Variants in GPC5 observed in about 807,000 individuals in gnomAD.
GPC5 encodes glypican 5.
In GPC5, 47 loss-of-function variants were observed where a neutral mutation model predicts 53.9. The observed-to-expected ratio is 0.87, with a 90% CI of 0.69 to 1.11. The LOEUF is 1.11. Among genes scored for constraint, GPC5 ranks in the 50% most tolerant of loss-of-function variants. The pLI is 0.00. For synonymous variants in GPC5, 286 were observed against 263.3 expected (o/e 1.09, Z -0.84); for missense variants, 748 against 713.1 (o/e 1.05, Z -0.56).
intron 6 of GPC5, among the ~76,000 whole-genome samples, chr13:91,959,820 C>CGTCAT (rs1230192545): frequency 6.6e-6 from 1 of 151,902 alleles, no homozygotes; most frequent in East Asian, 1.9e-4. Flanking sequence ...AACCAGCAAA[C>CGTCAT]GTCATGCATC....
At chr13:91,942,785 A>C (rs545692120) in intron 6 of GPC5, among the ~76,000 whole-genome samples, 1 of 152,228 alleles carries the variant, frequency 6.6e-6, no homozygotes, top group African/African-American at 2.4e-5. Context: ...CTTTTGTCAA[A>C]TTGTTGCTCA....
chr13:92,538,375 T>C (rs1229389212), intron 7 of GPC5, among the ~76,000 whole-genome samples: 1 of 151,508 alleles, frequency 6.6e-6, no homozygotes, highest in Non-Finnish European at 1.5e-5. Flanking sequence ...CTCCTTTCTT[T>C]CCCTCTCTCT....
At position 92,842,589 on chromosome 13, in the gene GPC5, G is replaced by A. The variant is rs1265396290; in HGVS notation, c.1562-23693G>A. On this transcript the variant is annotated intron_variant, in intron 7 of 7. Transcript: ENST00000377067. ...TTACAGTCATAGCACACCCCAGAAAGAAAAGTAAGATTACTATAGACCCAA... is the reference window on the plus strand; with the variant it reads ...TTACAGTCATAGCACACCCCAGAAAAAAAAGTAAGATTACTATAGACCCAA... Among the ~76,000 whole-genome samples, 24 of 149,612 alleles carry A rather than the reference G, an allele frequency of 1.6e-4. No homozygotes were observed. In the Admixed American group the frequency reaches 1.6e-3, roughly 10 times the overall value.
At chr13:91,552,875 G>A (rs1391719359) in intron 2 of GPC5, among the ~76,000 whole-genome samples, 1 of 152,038 alleles carries the variant, frequency 6.6e-6, no homozygotes. Flanking sequence ...CTCCCAACAG[G>A]AATGTTGTAT....
intron 2 of GPC5, among the ~76,000 whole-genome samples, chr13:91,459,463 A>T (rs1234930205): frequency 8.4e-6 from 1 of 119,446 alleles, no homozygotes; most frequent in Non-Finnish European, 1.7e-5. Context: ...CCCTGGACAT[A>T]GTAAGAAAAG....
chr13:92,371,936 TAAAGG>T (rs1431078873), intron 7 of GPC5, among the ~76,000 whole-genome samples: 3 of 152,254 alleles, frequency 2.0e-5, no homozygotes, highest in African/African-American at 4.8e-5. Flanking sequence ...GCTTTGAAGA[TAAAGG>T]AAGGAGCTTG....
chr13:92,333,763 GAAAC>G (rs1198947283), intron 7 of GPC5, among the ~76,000 whole-genome samples: 4 of 152,120 alleles, frequency 2.6e-5, no homozygotes, highest in Admixed American at 1.3e-4. Context: ...GCAAAAAAGA[GAAAC>G]AAACCCACAA....
At chr13:91,517,406 A>G (rs1885562067) in intron 2 of GPC5, among the ~76,000 whole-genome samples, 1 of 152,152 alleles carries the variant, frequency 6.6e-6, no homozygotes, top group African/African-American at 2.4e-5. Context: ...CTTTGCTAAA[A>G]CATAACAAGA....
intron 7 of GPC5, among the ~76,000 whole-genome samples, chr13:92,504,230 A>C (rs1489600742): frequency 6.6e-6 from 1 of 151,984 alleles, no homozygotes; most frequent in Non-Finnish European, 1.5e-5. Context: ...AGAAGCGAAG[A>C]ACTTTTGAAA....
intron 6 of GPC5, among the ~76,000 whole-genome samples, chr13:92,082,905 T>A (rs1166890660): frequency 6.6e-6 from 1 of 152,170 alleles, no homozygotes; most frequent in Admixed American, 6.5e-5. Context: ...AGTACAGAGA[T>A]GTGTCTACCT....
intron 7 of GPC5, among the ~76,000 whole-genome samples, chr13:92,367,600 G>A (rs891739043): frequency 3.3e-5 from 5 of 152,194 alleles, no homozygotes; most frequent in East Asian, 1.9e-4. Context: ...TTTATCTGCC[G>A]TTTTTATCTG....
chr13:92,730,388 C>T (rs890829536), intron 7 of GPC5, among the ~76,000 whole-genome samples: 1 of 151,288 alleles, frequency 6.6e-6, no homozygotes, highest in African/African-American at 2.4e-5. Flanking sequence ...TATGATACCA[C>T]CTTATAATGT....
At chr13:92,565,195 T>C (rs188168851) in intron 7 of GPC5, among the ~76,000 whole-genome samples, 21 of 152,186 alleles carry the variant, frequency 1.4e-4, no homozygotes, top group African/African-American at 4.3e-4. Context: ...TAAAGGAAAA[T>C]AGATTTTGAA....
chr13:92,763,419 C>T (rs1353490437), intron 7 of GPC5, among the ~76,000 whole-genome samples: 3 of 152,116 alleles, frequency 2.0e-5, no homozygotes, highest in South Asian at 4.1e-4. Context: ...TGCAGAAGTT[C>T]GTGGCAGTGG....
At chr13:92,726,318 G>A (rs555415164) in intron 7 of GPC5, among the ~76,000 whole-genome samples, 3 of 151,598 alleles carry the variant, frequency 2.0e-5, no homozygotes, top group African/African-American at 7.2e-5. Context: ...GAAAAATAAT[G>A]TTTATATTTG....
chr13:91,871,368 G>A (rs143948029), intron 5 of GPC5, among the ~76,000 whole-genome samples: 31 of 152,148 alleles, frequency 2.0e-4, no homozygotes, highest in Admixed American at 5.2e-4. Context: ...GGGGTGGGAG[G>A]AGGGAGAGGA....
chr13:91,494,092 A>G lies in GPC5; in HGVS notation c.325+45170A>G, dbSNP rs536572635. 2.0e-5 allele frequency among the ~76,000 whole-genome samples: 3 copies of G among 151,382 alleles called. No individual in the cohort carries two copies. The East Asian group carries it at 5.8e-4, about 29-fold the overall frequency. The stretch of plus-strand genomic sequence containing the variant: ...TTTTTAGTAGAGATGGGGTTACAAC[A>G]TGTTGGCCAGGATGGTCTCTATTTC... On this transcript the variant is annotated intron_variant, in intron 2 of 7. Transcript: ENST00000377067.
intron 3 of GPC5, among the ~76,000 whole-genome samples, chr13:91,726,730 C>G (rs970842386): frequency 6.6e-6 from 1 of 152,168 alleles, no homozygotes; most frequent in East Asian, 1.9e-4. Context: ...CTGAAATCCA[C>G]TCCTTCCATT....
At chr13:91,603,962 T>A (rs2033267438) in intron 2 of GPC5, among the ~76,000 whole-genome samples, 1 of 150,562 alleles carries the variant, frequency 6.6e-6, no homozygotes, top group South Asian at 2.1e-4. Flanking sequence ...TTTTTTTTTA[T>A]TATTATACTT....
Sources: gnomAD v4.1 joint callset for allele counts (sites outside exome capture counted in the v4.1 genomes callset) on GRCh38, gnomAD v4.1.1 for gene constraint, MANE v1.5 for transcripts, NCBI Gene and HGNC (gene_info 2026-07-23, HGNC 2026-07-21) for gene names.